Variants in NEGR1 observed in about 807,000 individuals in gnomAD.
NEGR1 encodes neuronal growth regulator 1.
A neutral mutation model predicts 40.9 loss-of-function variants in NEGR1; 10 were observed. The observed-to-expected ratio is 0.24, with a 90% CI of 0.15 to 0.42. NEGR1 has a LOEUF of 0.42. NEGR1 is among the 10% of genes least tolerant of loss of function. The probability of loss-of-function intolerance (pLI) is 1.00; values close to 1 mark genes in which losing one functional copy is unlikely to be tolerated. For missense variants in NEGR1, 352 were observed against 438.9 expected (o/e 0.80, Z 1.77); for synonymous variants, 185 against 166.8 (o/e 1.11, Z -0.84).
intron 6 of NEGR1, among the ~76,000 whole-genome samples, chr1:71,427,549 A>C (rs12144015): frequency 0.46 from 69,818 of 151,992 alleles, 16,491 homozygotes; most frequent in Non-Finnish European, 0.52. Flanking sequence ...TAATAAATCA[A>C]GTTAAAAGAT....
chr1:72,083,650 C>T (rs1299071658), intron 1 of NEGR1, among the ~76,000 whole-genome samples: 2 of 152,032 alleles, frequency 1.3e-5, no homozygotes, highest in Admixed American at 1.3e-4. Flanking sequence ...TTGTTAATTG[C>T]CTCCCAGCAA....
chr1:71,956,128 T>C (rs1238790093), intron 1 of NEGR1, among the ~76,000 whole-genome samples: 1 of 152,166 alleles, frequency 6.6e-6, no homozygotes, highest in Non-Finnish European at 1.5e-5. Context: ...CAAACTGATA[T>C]ATTCTTTCTG....
At chr1:71,737,057 C>T (rs1040581796) in intron 3 of NEGR1, among the ~76,000 whole-genome samples, 14 of 152,150 alleles carry the variant, frequency 9.2e-5, no homozygotes, top group Non-Finnish European at 1.8e-4. Flanking sequence ...AGAAACCATT[C>T]ATGCATGTTT....
chr1:71,453,688 A>G (rs1214253589), intron 6 of NEGR1, among the ~76,000 whole-genome samples: 1 of 152,198 alleles, frequency 6.6e-6, no homozygotes, highest in East Asian at 1.9e-4. Context: ...AATACAAGCA[A>G]GTGCTATTGC....
At chr1:71,705,732 A>AAAAGAAAAG (rs1407648043) in intron 3 of NEGR1, among the ~76,000 whole-genome samples, 1 of 151,076 alleles carries the variant, frequency 6.6e-6, no homozygotes, top group South Asian at 2.1e-4. Context: ...GAAAAGAAAG[A>AAAAGAAAAG]AAAGAAAAGA....
chr1:71,563,571 C>G lies in NEGR1; in HGVS notation c.940+29246G>C, dbSNP rs552586280. 3.1e-4 allele frequency among the ~76,000 whole-genome samples: 47 copies of G among 151,964 alleles called. No homozygotes were observed. In the East Asian group the frequency reaches 3.3e-3, roughly 11 times the overall value. Reference sequence around the variant, plus strand: ...AAGACAAGTAAATGGTTGCTAGGCCCTTTGCTATCATTTAGAGAAATAGAA... The same window carrying G: ...AAGACAAGTAAATGGTTGCTAGGCCGTTTGCTATCATTTAGAGAAATAGAA... On this transcript the variant is annotated intron_variant, in intron 6 of 6. Coordinates refer to ENST00000357731, the MANE Select transcript of NEGR1 (RefSeq NM_173808.3).
At chr1:71,693,667 G>T (rs2794308) in intron 4 of NEGR1, among the ~76,000 whole-genome samples, 2,487 of 151,656 alleles carry the variant, frequency 0.016, 57 homozygotes, top group African/African-American at 0.057. Context: ...GTAAATTATG[G>T]ACCAGTAAGT....
At chr1:72,232,406 C>A (rs1011141566) in intron 1 of NEGR1, among the ~76,000 whole-genome samples, 1 of 150,960 alleles carries the variant, frequency 6.6e-6, no homozygotes, top group Non-Finnish European at 1.5e-5. Context: ...TACAATCAAG[C>A]ATACAAACCA....
intron 2 of NEGR1, among the ~76,000 whole-genome samples, chr1:71,913,281 A>C (rs995707665): frequency 2.7e-4 from 41 of 151,810 alleles, no homozygotes; most frequent in Non-Finnish European, 5.1e-4. Flanking sequence ...CGCCCAGCTA[A>C]TTTTTTTATT....
intron 1 of NEGR1, among the ~76,000 whole-genome samples, chr1:71,975,889 G>A (rs192449673): frequency 1.3e-3 from 201 of 152,234 alleles, no homozygotes; most frequent in Admixed American, 2.2e-3. Flanking sequence ...ATCACTTTGG[G>A]AAGAGACTGT....
chr1:71,768,459 T>A (rs953971658), intron 3 of NEGR1, among the ~76,000 whole-genome samples: 1 of 152,202 alleles, frequency 6.6e-6, no homozygotes, highest in Non-Finnish European at 1.5e-5. Flanking sequence ...TGTTTTTGGC[T>A]GATTTCTCCC....
At chr1:71,981,351 A>G in intron 1 of NEGR1, among the ~76,000 whole-genome samples, 1 of 152,148 alleles carries the variant, frequency 6.6e-6, no homozygotes, top group East Asian at 1.9e-4. Context: ...AGAAGGTCTT[A>G]CACGAGGCCA....
At chr1:71,436,059 G>A (rs1243948245) in intron 6 of NEGR1, among the ~76,000 whole-genome samples, 1 of 152,084 alleles carries the variant, frequency 6.6e-6, no homozygotes, top group Non-Finnish European at 1.5e-5. Flanking sequence ...AAATCTAGAA[G>A]GATTTCACCA....
chr1:72,000,175 G>T (rs937186916), intron 1 of NEGR1, among the ~76,000 whole-genome samples: 16 of 151,990 alleles, frequency 1.1e-4, no homozygotes, highest in African/African-American at 3.9e-4. Context: ...ATGAATGATG[G>T]TTTTTTCTAT....
intron 6 of NEGR1, among the ~76,000 whole-genome samples, chr1:71,523,857 CT>C (rs1647183303): frequency 6.6e-6 from 1 of 151,860 alleles, no homozygotes; most frequent in African/African-American, 2.4e-5. Context: ...TAATTTTGGA[CT>C]ACAGGCATTA....
chr1:72,061,158 A>G (rs1474870243), intron 1 of NEGR1, among the ~76,000 whole-genome samples: 2 of 151,702 alleles, frequency 1.3e-5, no homozygotes, highest in African/African-American at 2.4e-5. Context: ...CTTAGAAAAG[A>G]TTAACATAAA....
chr1:71,771,291 C>T (rs1259822682), intron 3 of NEGR1, among the ~76,000 whole-genome samples: 2 of 151,924 alleles, frequency 1.3e-5, no homozygotes, highest in African/African-American at 4.8e-5. Context: ...CACACTGGGG[C>T]CTGTCAGGGG....
chr1:72,266,147 C>T (rs1020628247), intron 1 of NEGR1, among the ~76,000 whole-genome samples: 1 of 150,762 alleles, frequency 6.6e-6, no homozygotes, highest in Non-Finnish European at 1.5e-5. Context: ...AAAGTGTGCC[C>T]TTGGCCTCAC....
chr1:72,265,433 A>C (rs1001489093), intron 1 of NEGR1, among the ~76,000 whole-genome samples: 1 of 151,030 alleles, frequency 6.6e-6, no homozygotes, highest in Non-Finnish European at 1.5e-5. Flanking sequence ...TAAACACCCA[A>C]TTTAATTAAA....
Sources: allele counts gnomAD v4.1 joint callset (sites outside exome capture counted in the v4.1 genomes callset), GRCh38; gene constraint gnomAD v4.1.1; transcripts MANE v1.5; gene names NCBI Gene and HGNC (gene_info 2026-07-23, HGNC 2026-07-21).